Variants in SYNPO2 observed in about 807,000 individuals in gnomAD.
The protein encoded by SYNPO2 is synaptopodin 2, also known as synaptopodin-2.
Under a neutral mutation model 85.0 loss-of-function variants are expected in SYNPO2, and 56 were observed. The ratio of observed to expected loss-of-function variants is 0.66; its 90% CI spans 0.53 to 0.82. SYNPO2 has a LOEUF of 0.82. SYNPO2 is among the 40% of genes least tolerant of loss of function. SYNPO2 has a pLI of 0.00. For missense variants in SYNPO2, 1,575 were observed against 1,534.2 expected, an observed-to-expected ratio of 1.03 and a Z score of -0.44; for synonymous variants, 602 against 591.1, an observed-to-expected ratio of 1.02 and a Z score of -0.27.
At chr4:118,940,495 A>ATT (rs11456694) in intron 1 of SYNPO2, among the ~76,000 whole-genome samples, 220 of 151,426 alleles carry the variant, frequency 1.5e-3, no homozygotes, top group African/African-American at 4.7e-3. Flanking sequence ...GCAAGCTTTC[A>ATT]TTTTTTTTTC....
chr4:119,038,619 A>G (rs1561019417), intron 4 of SYNPO2: 1 of 926,228 alleles, frequency 1.1e-6, no homozygotes, highest in Non-Finnish European at 1.3e-6. Context: ...TTGCTACTAA[A>G]CCAATAATAA....
At chr4:118,984,896 C>A (rs1003011103) in intron 1 of SYNPO2, among the ~76,000 whole-genome samples, 4 of 152,148 alleles carry the variant, frequency 2.6e-5, no homozygotes, top group African/African-American at 9.7e-5. Flanking sequence ...ACTGAGAAAT[C>A]CAAAATTAGA....
At chr4:119,022,597 C>T (rs1483461944) in intron 1 of SYNPO2, among the ~76,000 whole-genome samples, 2 of 141,412 alleles carry the variant, frequency 1.4e-5, no homozygotes, top group African/African-American at 2.6e-5. Flanking sequence ...CTCAAGAGAT[C>T]CACCTGCCTC....
chr4:118,958,551 G>T (rs1305768597), intron 1 of SYNPO2, among the ~76,000 whole-genome samples: 1 of 152,070 alleles, frequency 6.6e-6, no homozygotes, highest in Non-Finnish European at 1.5e-5. Flanking sequence ...GTGAGGGTGG[G>T]CAATGGAGGA....
intron 1 of SYNPO2, among the ~76,000 whole-genome samples, chr4:118,880,296 C>A (rs1732058009): frequency 1.3e-5 from 2 of 152,110 alleles, no homozygotes. Context: ...GCTGTGCATT[C>A]TTGTTATGGG....
At chr4:118,912,761 GA>G (rs999575427) in intron 1 of SYNPO2, among the ~76,000 whole-genome samples, 4 of 151,898 alleles carry the variant, frequency 2.6e-5, no homozygotes, top group African/African-American at 9.7e-5. Context: ...TAGTAGTTCA[GA>G]AAAAAATAGG....
At chr4:119,027,944 C>A (rs570917325) in intron 3 of SYNPO2, among the ~76,000 whole-genome samples, 1 of 152,136 alleles carries the variant, frequency 6.6e-6, no homozygotes, top group East Asian at 1.9e-4. Flanking sequence ...GTTTGACAGA[C>A]AAGGACATGT....
At chr4:118,963,946 A>G (rs56247710) in intron 1 of SYNPO2, among the ~76,000 whole-genome samples, 5,121 of 152,192 alleles carry the variant, frequency 0.034, 139 homozygotes, top group Admixed American at 0.045. Flanking sequence ...CAATCAATCA[A>G]TCAACCTTCT....
At chr4:119,036,619 A>G (rs1738523016) in intron 4 of SYNPO2, 2 of 985,486 alleles carry the variant, frequency 2.0e-6, no homozygotes, top group Non-Finnish European at 2.4e-6. Flanking sequence ...TAGAAAAAAT[A>G]GTACAAAAAT....
chr4:118,993,894 A>G (rs1260718939), intron 1 of SYNPO2, among the ~76,000 whole-genome samples: 1 of 152,246 alleles, frequency 6.6e-6, no homozygotes, highest in Non-Finnish European at 1.5e-5. Flanking sequence ...ATGATGCTGG[A>G]AGCACGGAAT....
At chr4:118,893,959 C>T (rs771840018) in intron 1 of SYNPO2, among the ~76,000 whole-genome samples, 10 of 151,454 alleles carry the variant, frequency 6.6e-5, no homozygotes, top group Non-Finnish European at 1.3e-4. Context: ...CACTACATCA[C>T]GTTGTACCCC....
chr4:118,941,097 T>G (rs1384058319), intron 1 of SYNPO2, among the ~76,000 whole-genome samples: 1 of 152,206 alleles, frequency 6.6e-6, no homozygotes, highest in Non-Finnish European at 1.5e-5. Context: ...CTTTCATGTC[T>G]AACAGACACC....
At chr4:118,879,209 G>C (rs186001231) in intron 1 of SYNPO2, among the ~76,000 whole-genome samples, 1 of 152,164 alleles carries the variant, frequency 6.6e-6, no homozygotes, top group South Asian at 2.1e-4. Context: ...AACACTCACC[G>C]ATAAGGGTCC....
At chr4:118,962,394 C>A (rs1735133475) in intron 1 of SYNPO2, among the ~76,000 whole-genome samples, 1 of 152,006 alleles carries the variant, frequency 6.6e-6, no homozygotes, top group Non-Finnish European at 1.5e-5. Context: ...AATGTTCCTG[C>A]AAAGCAAAAT....
intron 4 of SYNPO2, among the ~76,000 whole-genome samples, chr4:119,054,782 T>G (rs903881050): frequency 1.3e-5 from 2 of 152,130 alleles, no homozygotes; most frequent in African/African-American, 4.8e-5. Context: ...GGAATAGAAG[T>G]TCTCACTTTG....
chr4:119,016,823 A>T (rs558750150), intron 1 of SYNPO2, among the ~76,000 whole-genome samples: 1 of 152,336 alleles, frequency 6.6e-6, no homozygotes, highest in East Asian at 1.9e-4. Flanking sequence ...TAGCAGTTAT[A>T]TTGCAGCATC....
At position 119,031,029 on chromosome 4, in the gene SYNPO2, A is replaced by C. The variant is rs1738225995; in HGVS notation, c.2254A>C (p.Lys752Gln). The change falls in exon 4 of 5, where the codon AAA becomes CAA. Residue 752 changes from lysine to glutamine, a missense_variant. Lys to Gln is a moderately conservative substitution (Grantham distance 53). Transcript: ENST00000307142. Reference sequence around the variant, plus strand: ...TAATTTCATGCAAAGCTCCTCTGCCAAACAAAAGACCCCTCCTCCTGTTGC... The same window carrying C: ...TAATTTCATGCAAAGCTCCTCTGCCCAACAAAAGACCCCTCCTCCTGTTGC... Reference protein sequence around the residue: ...ACNFMQSSSAKQKTPPPVAPK... With the variant: ...ACNFMQSSSAQQKTPPPVAPK... The C allele has an allele frequency of 6.2e-7, 1 of 1,613,950 alleles. No homozygotes were observed.
intron 4 of SYNPO2, among the ~76,000 whole-genome samples, chr4:119,054,091 T>C (rs1202823048): frequency 1.3e-5 from 2 of 152,250 alleles, no homozygotes; most frequent in African/African-American, 2.4e-5. Context: ...CTCAGCTCAC[T>C]GTGCTCAACC....
At chr4:118,876,620 T>C (rs1344907189) in intron 1 of SYNPO2, among the ~76,000 whole-genome samples, 2 of 151,268 alleles carry the variant, frequency 1.3e-5, no homozygotes, top group African/African-American at 4.9e-5. Flanking sequence ...CTCCTCCTTC[T>C]TTTCTCTTTT....
Sources: allele counts gnomAD v4.1 joint callset (sites outside exome capture counted in the v4.1 genomes callset), GRCh38; gene constraint gnomAD v4.1.1; transcripts MANE v1.5; gene names NCBI Gene and HGNC (gene_info 2026-07-23, HGNC 2026-07-21).